Variants in KIRREL1 observed in about 807,000 individuals in gnomAD.
KIRREL1 encodes the protein kin of IRRE-like protein 1.
Under a neutral mutation model 83.3 loss-of-function variants are expected in KIRREL1, and 25 were observed. That is an observed-to-expected ratio of 0.30 (90% confidence interval 0.22 to 0.42). The LOEUF is 0.42. Among genes scored for constraint, KIRREL1 ranks in the 10% least tolerant of loss-of-function variants. The pLI is 1.00. For synonymous variants in KIRREL1, 388 were observed against 410.4 expected, an observed-to-expected ratio of 0.95 and a Z score of 0.66; for missense variants, 812 against 1,032.3, an observed-to-expected ratio of 0.79 and a Z score of 2.92.
intron 1 of KIRREL1, among the ~76,000 whole-genome samples, chr1:158,065,383 A>G (rs981755906): frequency 6.3e-4 from 96 of 152,198 alleles, no homozygotes; most frequent in South Asian, 4.1e-4. Flanking sequence ...CAGAACTTGC[A>G]CTTGCCTTAA....
intron 1 of KIRREL1, among the ~76,000 whole-genome samples, chr1:158,056,123 C>A (rs929305387): frequency 6.6e-6 from 1 of 152,204 alleles, no homozygotes; most frequent in Non-Finnish European, 1.5e-5. Flanking sequence ...CTCGCCCCCC[C>A]TCATCCTGCC....
chr1:158,015,216 CTG>C (rs1457574956), intron 1 of KIRREL1, among the ~76,000 whole-genome samples: 1 of 152,196 alleles, frequency 6.6e-6, no homozygotes, highest in Admixed American at 6.5e-5. Context: ...TCCTAAGAAA[CTG>C]TGAGTATCAG....
At position 158,096,640 on chromosome 1, in the gene KIRREL1, C is replaced by A. The variant is rs1039404535; in HGVS notation, c.*1520C>A. On this transcript the variant is annotated 3_prime_UTR_variant, in exon 15 of 15. Coordinates refer to ENST00000359209, the MANE Select transcript of KIRREL1 (RefSeq NM_018240.7). The stretch of plus-strand genomic sequence containing the variant: ...ACCGCAGGCATTACACAGGCCATTT[C>A]TCCTCCTCCATGTGCACGCACATCC... 2.2e-6 allele frequency: 1 copy of A among 456,786 alleles called. No homozygotes were observed. The highest frequency in any genetic ancestry group is 1.5e-5 in the South Asian group (1 of 64,554). The allele number at this position is 456,786 out of a possible 1,614,324, so 28.3% of individuals were successfully genotyped here.
rs770473913 is a variant in KIRREL1, at chr1:158,078,080, TACGAGTGCCAGGCC to T, written c.296_309del (p.Glu99GlyfsTer23). The stretch of plus-strand genomic sequence containing the variant: ...TGCTGAGCTCTCTGACGACGCCTCT[TACGAGTGCCAGGCC>T]ACGGAGGCCGCCCTGCGCTCTCGGC... On this transcript the variant is annotated frameshift_variant, in exon 3 of 15. Transcript: ENST00000359209. LOFTEE classifies it high-confidence loss of function. 1 of 1,614,080 alleles carries T rather than the reference TACGAGTGCCAGGCC, an allele frequency of 6.2e-7. No homozygotes were observed.
rs538387266 is a variant in KIRREL1 at position 158,013,403 on chromosome 1, C to T, written c.52+19675C>T. 3.1e-3 allele frequency among the ~76,000 whole-genome samples: 466 copies of T among 152,204 alleles called. 5 individuals are homozygous for T. The highest frequency in any genetic ancestry group is 0.011 in the African/African-American group (443 of 41,540). On this transcript the variant is annotated intron_variant, in intron 1 of 14. Coordinates refer to ENST00000359209, the MANE Select transcript of KIRREL1 (RefSeq NM_018240.7). The stretch of plus-strand genomic sequence containing the variant: ...CATGTTTGTGATGAGGATTCCTGGA[C>T]GATCTACCACATCTCCACCCCGAGC...
chr1:158,001,055 G>T (rs898082505), intron 1 of KIRREL1, among the ~76,000 whole-genome samples: 2 of 152,140 alleles, frequency 1.3e-5, no homozygotes, highest in African/African-American at 2.4e-5. Context: ...TGCCCAGCAG[G>T]TTTATCCCAG....
chr1:158,040,874 C>A (rs1169791530), intron 1 of KIRREL1, among the ~76,000 whole-genome samples: 2 of 151,820 alleles, frequency 1.3e-5, no homozygotes, highest in Non-Finnish European at 2.9e-5. Flanking sequence ...GGATTTTGAA[C>A]TTTATTATCA....
At chr1:158,021,729 T>C (rs1221169343) in intron 1 of KIRREL1, among the ~76,000 whole-genome samples, 1 of 150,560 alleles carries the variant, frequency 6.6e-6, no homozygotes, top group African/African-American at 2.5e-5. Flanking sequence ...GCCCTAGAGG[T>C]TCTGGGGGTG....
intron 1 of KIRREL1, among the ~76,000 whole-genome samples, chr1:158,041,265 G>A (rs747922376): frequency 5.3e-5 from 8 of 152,312 alleles, no homozygotes; most frequent in Non-Finnish European, 1.2e-4. Context: ...TCATTTATCC[G>A]CATAGGTGTG....
intron 2 of KIRREL1, among the ~76,000 whole-genome samples, chr1:158,076,574 G>A (rs1000843112): frequency 2.6e-5 from 4 of 152,208 alleles, no homozygotes; most frequent in Admixed American, 6.5e-5. Flanking sequence ...CAGGCAGACA[G>A]CTGTCTAGCA....
intron 3 of KIRREL1, among the ~76,000 whole-genome samples, chr1:158,078,894 G>A (rs1382712076): frequency 2.0e-5 from 3 of 152,088 alleles, no homozygotes; most frequent in African/African-American, 7.2e-5. Flanking sequence ...CATAATGAGG[G>A]GACTCTCTCC....
intron 1 of KIRREL1, among the ~76,000 whole-genome samples, chr1:158,032,562 A>T (rs1409076931): frequency 6.6e-6 from 1 of 152,196 alleles, no homozygotes; most frequent in Non-Finnish European, 1.5e-5. Context: ...TGGGAACAGG[A>T]TGCAGAGGGT....
At chr1:158,070,896 C>G (rs1661492637) in intron 1 of KIRREL1, among the ~76,000 whole-genome samples, 1 of 152,142 alleles carries the variant, frequency 6.6e-6, no homozygotes, top group Non-Finnish European at 1.5e-5. Flanking sequence ...TCTCACCCCT[C>G]AAGACTCTGA....
At chr1:158,046,677 G>A (rs971741187) in intron 1 of KIRREL1, among the ~76,000 whole-genome samples, 1 of 152,114 alleles carries the variant, frequency 6.6e-6, no homozygotes, top group Non-Finnish European at 1.5e-5. Context: ...TGCAAGACCA[G>A]GTGGGGAAGG....
At chr1:158,084,292 G>A (rs552910723) in intron 3 of KIRREL1, 130 bp from the exon 4 acceptor site, 9 of 775,392 alleles carry the variant, frequency 1.2e-5, no homozygotes, top group Admixed American at 9.3e-5. Context: ...TGTAGATTAG[G>A]GGGTAGGGTG....
At chr1:158,019,779 A>G (rs1659949362) in intron 1 of KIRREL1, among the ~76,000 whole-genome samples, 1 of 152,178 alleles carries the variant, frequency 6.6e-6, no homozygotes, top group Non-Finnish European at 1.5e-5. Context: ...CCTTCTCTCC[A>G]TCTTTTTTTC....
chr1:158,007,335 G>A (rs551673172), intron 1 of KIRREL1, among the ~76,000 whole-genome samples: 1 of 152,282 alleles, frequency 6.6e-6, no homozygotes, highest in African/African-American at 2.4e-5. Flanking sequence ...GGGAACCTGG[G>A]CCCAGGTGGA....
chr1:158,096,251 G>T lies in KIRREL1; in HGVS notation c.*1131G>T. 4.0e-6 allele frequency: 1 copy of T among 250,436 alleles called. No homozygotes were observed. The highest frequency in any genetic ancestry group is 7.9e-6 in the Non-Finnish European group (1 of 126,694). The allele number at this position is 250,436 out of a possible 1,614,324, so 15.5% of individuals were successfully genotyped here. ...AGGTTGCCAGACCTGTCACACAGTG[G>T]ACTCTGATAGGGTTACGGAGGGGGC... is the stretch of plus-strand genomic sequence containing the variant. On this transcript the variant is annotated 3_prime_UTR_variant, in exon 15 of 15. Transcript: ENST00000359209.
chr1:157,995,241 G>A (rs545744466), intron 1 of KIRREL1, among the ~76,000 whole-genome samples: 25 of 152,308 alleles, frequency 1.6e-4, no homozygotes, highest in Non-Finnish European at 2.1e-4. Flanking sequence ...GTGGGGGCAC[G>A]TCTTGATTCA....
Sources: gnomAD v4.1 joint callset for allele counts (sites outside exome capture counted in the v4.1 genomes callset) on GRCh38, gnomAD v4.1.1 for gene constraint, MANE v1.5 for transcripts, NCBI Gene and HGNC (gene_info 2026-07-23, HGNC 2026-07-21) for gene names.